CUL3: variants seen among roughly 807,000 people sequenced by gnomAD.
CUL3 encodes the protein cullin 3.
A neutral mutation model predicts 89.1 loss-of-function variants in CUL3; 19 were observed. The ratio of observed to expected loss-of-function variants is 0.21; its 90% confidence interval spans 0.15 to 0.31. CUL3 has a LOEUF of 0.31. Ranked by LOEUF, CUL3 falls within the 10% of genes least tolerant of loss-of-function variation. The pLI is 1.00. For missense variants in CUL3, 469 were observed against 942.3 expected (o/e 0.50, Z 6.58); for synonymous variants, 351 against 308.4 (o/e 1.14, Z -1.45).
intron 2 of CUL3, among the ~76,000 whole-genome samples, chr2:224,540,714 G>A (rs1180893195): frequency 6.6e-6 from 1 of 152,080 alleles, no homozygotes; most frequent in African/African-American, 2.4e-5. Flanking sequence ...ACCCACACAG[G>A]ATCCACGTGC....
intron 13 of CUL3, among the ~76,000 whole-genome samples, chr2:224,489,767 G>A (rs971276273): frequency 6.6e-6 from 1 of 152,078 alleles, no homozygotes; most frequent in African/African-American, 2.4e-5. Flanking sequence ...AGAAAACGTA[G>A]GCAATACCAT....
At chr2:224,502,833 C>T in intron 10 of CUL3, 132 bp downstream of exon 10, 1 of 644,934 alleles carries the variant, frequency 1.6e-6, no homozygotes, top group Non-Finnish European at 2.7e-6. Flanking sequence ...AAATTAAGTA[C>T]TCACAGATAA....
At chr2:224,480,924 C>T (rs1691515803) in intron 14 of CUL3, among the ~76,000 whole-genome samples, 1 of 152,180 alleles carries the variant, frequency 6.6e-6, no homozygotes, top group African/African-American at 2.4e-5. Context: ...CAGTTTACAA[C>T]TACAAGACAA....
chr2:224,515,035 G>GA (rs1329033939), intron 3 of CUL3, among the ~76,000 whole-genome samples: 3 of 151,912 alleles, frequency 2.0e-5, no homozygotes, highest in Non-Finnish European at 4.4e-5. Context: ...TAGCCAGGAA[G>GA]AAAAAAACAG....
intron 1 of CUL3, among the ~76,000 whole-genome samples, chr2:224,575,837 A>G (rs1695285534): frequency 6.6e-6 from 1 of 152,218 alleles, no homozygotes; most frequent in South Asian, 2.1e-4. Flanking sequence ...ACAAGCTCTA[A>G]GCGTGAAGAT....
chr2:224,534,118 C>G (rs566828343), intron 3 of CUL3, among the ~76,000 whole-genome samples: 61 of 152,268 alleles, frequency 4.0e-4, no homozygotes, highest in Non-Finnish European at 7.9e-4. Flanking sequence ...TAAAACAAGT[C>G]ATTAACTTAT....
At chr2:224,560,056 C>T (rs1228556226) in intron 1 of CUL3, among the ~76,000 whole-genome samples, 1 of 152,028 alleles carries the variant, frequency 6.6e-6, no homozygotes, top group Non-Finnish European at 1.5e-5. Context: ...ACACACCAGC[C>T]TGGATGACAG....
intron 3 of CUL3, among the ~76,000 whole-genome samples, chr2:224,533,949 G>A (rs967965022): frequency 4.1e-4 from 63 of 152,140 alleles, no homozygotes; most frequent in African/African-American, 1.5e-3. Flanking sequence ...TGTTCTCATT[G>A]GAAATTCTTC....
At chr2:224,581,958 T>C (rs1167994560) in intron 1 of CUL3, among the ~76,000 whole-genome samples, 1 of 151,914 alleles carries the variant, frequency 6.6e-6, no homozygotes, top group Non-Finnish European at 1.5e-5. Flanking sequence ...TACATATGTA[T>C]AACCATAAAC....
Position 224,503,086 on chromosome 2 carries a change from A to G in CUL3, c.1378-14T>C. The G allele has an allele frequency of 1.5e-6, 2 of 1,338,260 alleles. No individual in the cohort carries two copies. Among genetic ancestry groups the G allele is most frequent in the Non-Finnish European group, 2.1e-6 (2 of 932,922 alleles). The allele number at this position is 1,338,260 out of a possible 1,614,324, so 82.9% of individuals were successfully genotyped here. A position where few individuals can be genotyped will look rare whatever the true frequency, so the allele number is the denominator to read the frequency against. On this transcript the variant is annotated splice_polypyrimidine_tract_variant and intron_variant, in intron 9 of 15. Coordinates refer to ENST00000264414, the MANE Select transcript of CUL3 (RefSeq NM_003590.5). Reference sequence around the variant, plus strand: ...TCCACATTCAGTCTGTGGAGGAAAAACACAAATATACACAAATAAATGGTA... The same window carrying G: ...TCCACATTCAGTCTGTGGAGGAAAAGCACAAATATACACAAATAAATGGTA...
chr2:224,553,226 A>G (rs1361665195), intron 2 of CUL3, among the ~76,000 whole-genome samples: 1 of 152,250 alleles, frequency 6.6e-6, no homozygotes, highest in Non-Finnish European at 1.5e-5. Context: ...ATAGGAGTAA[A>G]CATGAAAACA....
intron 2 of CUL3, among the ~76,000 whole-genome samples, chr2:224,557,296 A>G (rs1164349546): frequency 6.6e-6 from 1 of 152,164 alleles, no homozygotes; most frequent in Non-Finnish European, 1.5e-5. Context: ...TAAACAACGT[A>G]GTTTTATTGT....
At position 224,485,943 on chromosome 2, in the gene CUL3, C is replaced by G. The variant is rs543896608; in HGVS notation, c.1843-3865G>C. Among the ~76,000 whole-genome samples, 1 of 152,342 alleles carries G rather than the reference C, an allele frequency of 6.6e-6. No individual in the cohort carries two copies. The highest frequency in any genetic ancestry group is 2.4e-5 in the African/African-American group (1 of 41,586). ...GCAGCAATCTTTGCTGTTCTGCAGC[C>G]TCCACTGGTGATACGTAGGTGAACA... On this transcript the variant is annotated intron_variant, in intron 13 of 15. Transcript: ENST00000264414. The surrounding 1 kb of genome is among the most constrained non-coding windows in gnomAD (Gnocchi z 4.1).
chr2:224,533,342 C>T (rs1161353961), intron 3 of CUL3, among the ~76,000 whole-genome samples: 1 of 152,122 alleles, frequency 6.6e-6, no homozygotes, highest in Non-Finnish European at 1.5e-5. Flanking sequence ...ACTGAAGCCT[C>T]ATGACTACTC....
intron 13 of CUL3, among the ~76,000 whole-genome samples, chr2:224,484,782 T>C (rs12990758): frequency 0.19 from 28,164 of 152,142 alleles, 2,953 homozygotes; most frequent in South Asian, 0.27. Flanking sequence ...CCTCTTCTCA[T>C]TCCCACAAAT....
intron 1 of CUL3, among the ~76,000 whole-genome samples, chr2:224,584,659 G>C (rs956835148): frequency 1.1e-4 from 17 of 151,276 alleles, no homozygotes; most frequent in Non-Finnish European, 2.1e-4. Context: ...GGCGGCCGAG[G>C]GGCCCCGGCC....
At chr2:224,514,283 G>A (rs1462362932) in intron 4 of CUL3, among the ~76,000 whole-genome samples, 9 of 150,818 alleles carry the variant, frequency 6.0e-5, no homozygotes, top group Non-Finnish European at 1.3e-4. Context: ...ACAGACAAAA[G>A]CCCTTAAAGA....
intron 2 of CUL3, among the ~76,000 whole-genome samples, chr2:224,545,201 C>G (rs1283392047): frequency 2.0e-5 from 3 of 152,106 alleles, no homozygotes; most frequent in Non-Finnish European, 2.9e-5. Context: ...CAAGAATTAA[C>G]TAATGATGAG....
intron 2 of CUL3, among the ~76,000 whole-genome samples, chr2:224,536,813 G>T (rs1693916408): frequency 6.6e-6 from 1 of 152,200 alleles, no homozygotes; most frequent in Admixed American, 6.5e-5. Context: ...CTGCCCAAAA[G>T]AAAGACCATT....
Sources: allele counts gnomAD v4.1 joint callset (sites outside exome capture counted in the v4.1 genomes callset), GRCh38; gene constraint gnomAD v4.1.1; non-coding constraint Gnocchi (gnomAD v3.1); transcripts MANE v1.5; gene names NCBI Gene and HGNC (gene_info 2026-07-23, HGNC 2026-07-21).